C8orf34: variants seen among roughly 807,000 people sequenced by gnomAD.
The protein encoded by C8orf34 is uncharacterized protein C8orf34.
In C8orf34, 65 loss-of-function variants were observed where a neutral mutation model predicts 68.3. The ratio of observed to expected loss-of-function variants is 0.95; its 90% CI spans 0.78 to 1.17. C8orf34 has a LOEUF of 1.17. Among genes scored for constraint, C8orf34 ranks in the 50% most tolerant of loss-of-function variants. The probability of loss-of-function intolerance (pLI) is 0.00; values close to 1 mark genes in which losing one functional copy is unlikely to be tolerated. For missense variants in C8orf34, 664 were observed against 655.4 expected (o/e 1.01, Z -0.14); for synonymous variants, 244 against 241.2 (o/e 1.01, Z -0.11).
At chr8:68,709,935 T>C (rs571855866) in intron 9 of C8orf34, among the ~76,000 whole-genome samples, 5 of 152,240 alleles carry the variant, frequency 3.3e-5, no homozygotes, top group Non-Finnish European at 7.4e-5. Context: ...TCAACCTGGA[T>C]AGTTAGAAGA....
intron 1 of C8orf34, chr8:68,438,894 C>T (rs997511394): frequency 3.9e-5 from 6 of 151,998 alleles, no homozygotes; most frequent in African/African-American, 1.5e-4. Context: ...CATTGCTCAA[C>T]TCAAAAAAGA....
chr8:68,419,116 A>G (rs1416535650), intron 1 of C8orf34, among the ~76,000 whole-genome samples: 2 of 152,074 alleles, frequency 1.3e-5, no homozygotes, highest in Non-Finnish European at 2.9e-5. Flanking sequence ...ATCTACAATG[A>G]ACTCAAACAA....
At chr8:68,461,121 G>A (rs1344852731) in intron 3 of C8orf34, among the ~76,000 whole-genome samples, 1 of 152,232 alleles carries the variant, frequency 6.6e-6, no homozygotes, top group Non-Finnish European at 1.5e-5. Flanking sequence ...TGAAAGCCAA[G>A]GCTGGAGAAC....
intron 1 of C8orf34, among the ~76,000 whole-genome samples, chr8:68,358,761 A>G (rs1279638839): frequency 6.6e-6 from 1 of 151,076 alleles, no homozygotes; most frequent in Admixed American, 6.6e-5. Context: ...GCTGGAGTGC[A>G]GTGGCATGAT....
chr8:68,376,403 A>G (rs1429265661), intron 1 of C8orf34, among the ~76,000 whole-genome samples: 1 of 152,054 alleles, frequency 6.6e-6, no homozygotes, highest in Non-Finnish European at 1.5e-5. Flanking sequence ...ACATAAGAAG[A>G]ATTCCCTAAT....
At chr8:68,504,341 T>G (rs1183694223) in intron 5 of C8orf34, among the ~76,000 whole-genome samples, 1 of 152,198 alleles carries the variant, frequency 6.6e-6, no homozygotes, top group Non-Finnish European at 1.5e-5. Flanking sequence ...TGACGGATCT[T>G]TGAGTTGTTT....
intron 1 of C8orf34, among the ~76,000 whole-genome samples, chr8:68,411,648 G>C (rs1404703325): frequency 2.6e-5 from 4 of 152,184 alleles, no homozygotes; most frequent in African/African-American, 9.6e-5. Context: ...TATACAAACA[G>C]AGTTCAGCAT....
chr8:68,576,119 A>C (rs1365777716), intron 7 of C8orf34, among the ~76,000 whole-genome samples: 6 of 151,230 alleles, frequency 4.0e-5, no homozygotes, highest in Non-Finnish European at 7.4e-5. Flanking sequence ...TCATTTACTT[A>C]CCACCAATTA....
chr8:68,514,170 C>G (rs2129633573), intron 5 of C8orf34, among the ~76,000 whole-genome samples: 1 of 152,244 alleles, frequency 6.6e-6, no homozygotes, highest in Admixed American at 6.5e-5. Flanking sequence ...AACAGGGACT[C>G]TCGCTAGGCC....
rs530809867 is a variant in C8orf34, at chr8:68,748,371, C to A, written c.1404+26934C>A. 5.9e-3 allele frequency among the ~76,000 whole-genome samples: 872 copies of A among 146,898 alleles called. 9 individuals carry two copies. The highest frequency in any genetic ancestry group is 0.021 in the African/African-American group (815 of 39,182). On this transcript the variant is annotated intron_variant, in intron 10 of 13. Coordinates refer to ENST00000518698, the MANE Select transcript of C8orf34 (RefSeq NM_052958.4). The stretch of plus-strand genomic sequence containing the variant: ...ACACCAAAAGCAATGGCAACAAAAG[C>A]CAAAATTGACAAATGGGATCTAATT...
intron 12 of C8orf34, among the ~76,000 whole-genome samples, chr8:68,787,784 C>T (rs1447594290): frequency 6.6e-6 from 1 of 152,070 alleles, no homozygotes; most frequent in Admixed American, 6.5e-5. Flanking sequence ...TAAAGACCAA[C>T]ATAGACTGTC....
At chr8:68,419,887 G>A (rs1396417358) in intron 1 of C8orf34, among the ~76,000 whole-genome samples, 1 of 148,394 alleles carries the variant, frequency 6.7e-6, no homozygotes, top group African/African-American at 2.5e-5. Context: ...GAGATGACGA[G>A]TTAGTGGGTG....
chr8:68,568,838 G>C (rs1275854331), intron 7 of C8orf34, among the ~76,000 whole-genome samples: 2 of 152,210 alleles, frequency 1.3e-5, no homozygotes, highest in Non-Finnish European at 2.9e-5. Flanking sequence ...TTTCTGGCAA[G>C]AGCCAGATAA....
At chr8:68,462,808 G>T (rs1249146170) in intron 3 of C8orf34, among the ~76,000 whole-genome samples, 4 of 151,886 alleles carry the variant, frequency 2.6e-5, no homozygotes, top group Non-Finnish European at 4.4e-5. Flanking sequence ...AGAGGGAAAT[G>T]TATAACACTA....
intron 4 of C8orf34, among the ~76,000 whole-genome samples, chr8:68,479,522 G>T (rs915563195): frequency 6.6e-6 from 1 of 152,142 alleles, no homozygotes; most frequent in African/African-American, 2.4e-5. Flanking sequence ...AGAACTTGCA[G>T]ATTCAGGAGA....
At chr8:68,446,287 A>C in intron 2 of C8orf34, 42 bp from the exon 3 acceptor site, 1 of 1,527,952 alleles carries the variant, frequency 6.5e-7, no homozygotes, top group Non-Finnish European at 8.8e-7. Context: ...CTCAATCTTG[A>C]AATCACTTTG....
At position 68,488,008 on chromosome 8, in the gene C8orf34, T is replaced by A. The variant is rs1305149322; in HGVS notation, c.737-15T>A. On this transcript the variant is annotated splice_polypyrimidine_tract_variant and intron_variant, in intron 4 of 13. Transcript: ENST00000518698. ...CTTCTAAAACTTTTTTTTATAAATC[T>A]CTTTTAAATCCCAGGTATTGCAATT... 6.3e-7 allele frequency: 1 copy of A among 1,575,942 alleles called. No individual in the cohort carries two copies. Among genetic ancestry groups the A allele is most frequent in the Non-Finnish European group, 8.6e-7 (1 of 1,156,616 alleles).
chr8:68,445,696 A>G lies in C8orf34; in HGVS notation c.476-633A>G, dbSNP rs140672527. Among the ~76,000 whole-genome samples the G allele has an allele frequency of 2.1e-3, 325 of 152,260 alleles. 1 individual carries two copies. The highest frequency in any genetic ancestry group is 7.0e-3 in the African/African-American group (292 of 41,548). On this transcript the variant is annotated intron_variant, in intron 2 of 13. Coordinates refer to ENST00000518698, the MANE Select transcript of C8orf34 (RefSeq NM_052958.4). The stretch of plus-strand genomic sequence containing the variant: ...GTGAGTGAAATTTACTGAAATGTTT[A>G]TTTTTATTTACAACAGAATACCATG...
chr8:68,612,959 T>C (rs982860529), intron 7 of C8orf34, among the ~76,000 whole-genome samples: 6 of 152,214 alleles, frequency 3.9e-5, no homozygotes, highest in Admixed American at 2.0e-4. Flanking sequence ...TATAAGGTGC[T>C]GACCAGTCGA....
Sources: allele counts gnomAD v4.1 joint callset (sites outside exome capture counted in the v4.1 genomes callset), GRCh38; gene constraint gnomAD v4.1.1; transcripts MANE v1.5; gene names NCBI Gene and HGNC (gene_info 2026-07-23, HGNC 2026-07-21).